CWC22: variants seen among roughly 807,000 people sequenced by gnomAD.
CWC22 encodes pre-mRNA-splicing factor CWC22 homolog.
CWC22 carries 53 observed loss-of-function variants against 117.2 expected under a neutral mutation model. The observed-to-expected ratio is 0.45, with a 90% CI of 0.36 to 0.57. CWC22 has a LOEUF of 0.57. CWC22 is among the 20% of genes least tolerant of loss of function. The pLI, the probability that CWC22 is intolerant of heterozygous loss-of-function variation, is 0.00. For missense variants in CWC22, 980 were observed against 1,068.8 expected, an observed-to-expected ratio of 0.92 and a Z score of 1.16; for synonymous variants, 360 against 355.6, an observed-to-expected ratio of 1.01 and a Z score of -0.14.
At chr2:179,955,122 A>G (rs1242527898) in intron 14 of CWC22, 88 bp from the exon 15 acceptor site, 1 of 933,020 alleles carries the variant, frequency 1.1e-6, no homozygotes, top group Non-Finnish European at 1.7e-6. Flanking sequence ...GACTGCCTGC[A>G]TTTTTAAATA....
At position 180,006,984 on chromosome 2, in the gene CWC22, G is replaced by T. The variant is rs2105572982; in HGVS notation, c.-231C>A. ...AGTGAGCCCGCACCCACTCCTGGGGGTCTTTTACTTCCCACCCGATCCGGC... is the reference window on the plus strand; with the variant it reads ...AGTGAGCCCGCACCCACTCCTGGGGTTCTTTTACTTCCCACCCGATCCGGC... On this transcript the variant is annotated 5_prime_UTR_variant, in exon 1 of 20. Coordinates refer to ENST00000410053, the MANE Select transcript of CWC22 (RefSeq NM_020943.3). The T allele has an allele frequency of 6.6e-6, 1 of 152,326 alleles. No homozygotes were observed. Among genetic ancestry groups the T allele is most frequent in the African/African-American group, 2.4e-5 (1 of 41,544 alleles). The allele number at this position is 152,326 out of a possible 1,614,324, so 9.4% of individuals were successfully genotyped here.
At chr2:179,996,313 G>A (rs1015750485) in intron 1 of CWC22, among the ~76,000 whole-genome samples, 4 of 152,046 alleles carry the variant, frequency 2.6e-5, no homozygotes, top group African/African-American at 9.7e-5. Context: ...CATATGGAAC[G>A]ATGCAAAGAA....
chr2:179,952,724 T>C, intron 16 of CWC22, 126 bp from the exon 17 acceptor site: 1 of 471,176 alleles, frequency 2.1e-6, no homozygotes, highest in South Asian at 4.9e-5. Context: ...ACCAGAGTTA[T>C]CTCTGAATAT....
chr2:179,945,388 C>G lies in CWC22; in HGVS notation c.2468G>C (p.Arg823Thr). The change falls in exon 20 of 20, where the codon AGA (arginine) becomes ACA (threonine). Residue 823 changes from arginine to threonine, a missense_variant. Arg to Thr is a moderately conservative substitution (Grantham distance 71). This residue lies in a region of CWC22 where 306 missense variants were observed against 296.8 expected (regional missense o/e 1.03). Transcript: ENST00000410053. ...ENKHGDPKKKRGERRNSFSEN... is the reference protein window; with the variant it reads ...ENKHGDPKKKTGERRNSFSEN... ...AGAAAAAGAATTTCTTCTCTCTCCTCTCTTCTTTTTGGGATCACCATGCTT... is the reference window on the plus strand; with the variant it reads ...AGAAAAAGAATTTCTTCTCTCTCCTGTCTTCTTTTTGGGATCACCATGCTT... 1.2e-6 allele frequency: 2 copies of G among 1,613,030 alleles called. No individual in the cohort carries two copies. Among genetic ancestry groups the G allele is most frequent in the East Asian group, 2.2e-5 (1 of 44,858 alleles).
At chr2:179,989,320 T>C (rs1325582292) in intron 2 of CWC22, among the ~76,000 whole-genome samples, 1 of 151,942 alleles carries the variant, frequency 6.6e-6, no homozygotes, top group African/African-American at 2.4e-5. Flanking sequence ...TGCAGTGGCA[T>C]GATCACGGCT....
chr2:179,945,767 T>C, intron 19 of CWC22, 52 bp from the exon 20 acceptor site: 1 of 1,128,938 alleles, frequency 8.9e-7, no homozygotes, highest in Non-Finnish European at 1.2e-6. Context: ...CTTAATTTCA[T>C]AATTATAACA....
chr2:179,984,260 A>C (rs185743290), intron 4 of CWC22, among the ~76,000 whole-genome samples: 5 of 152,200 alleles, frequency 3.3e-5, no homozygotes, highest in Admixed American at 3.3e-4. Flanking sequence ...ATAAACTCAA[A>C]GCCATTTCCT....
At position 179,970,575 on chromosome 2, in the gene CWC22, G is replaced by A; in HGVS notation, c.1148-12C>T. On this transcript the variant is annotated splice_polypyrimidine_tract_variant and intron_variant, in intron 10 of 19. Coordinates refer to ENST00000410053, the MANE Select transcript of CWC22 (RefSeq NM_020943.3). ...CATCTTGAAAACATCTAAAAAAAAT[G>A]TAAAAGTTAATGTTTATTTTCTATA... The A allele has an allele frequency of 1.1e-5, 17 of 1,550,846 alleles. No homozygotes were observed. Among genetic ancestry groups the A allele is most frequent in the Non-Finnish European group, 1.5e-5 (17 of 1,146,582 alleles).
At chr2:179,962,966 T>A (rs1686792231) in intron 13 of CWC22, among the ~76,000 whole-genome samples, 1 of 151,860 alleles carries the variant, frequency 6.6e-6, no homozygotes, top group Non-Finnish European at 1.5e-5. Context: ...TAATAATGTT[T>A]AAAAAAAATA....
chr2:180,001,079 G>A (rs539335319), intron 1 of CWC22, among the ~76,000 whole-genome samples: 2 of 152,078 alleles, frequency 1.3e-5, no homozygotes, highest in Non-Finnish European at 2.9e-5. Context: ...ATAGAAATTT[G>A]TCTATTTTTG....
intron 11 of CWC22, among the ~76,000 whole-genome samples, chr2:179,969,658 TATA>T (rs1350098691): frequency 1.3e-5 from 2 of 152,222 alleles, no homozygotes; most frequent in Non-Finnish European, 2.9e-5. Flanking sequence ...ACATTTCTAT[TATA>T]ATCAGAGAGC....
chr2:179,946,023 C>G (rs1686284524), intron 19 of CWC22, among the ~76,000 whole-genome samples: 1 of 152,172 alleles, frequency 6.6e-6, no homozygotes, highest in African/African-American at 2.4e-5. Flanking sequence ...GATGAGATTA[C>G]AGGCGTCTGC....
At chr2:179,973,077 A>G (rs1390442405) in intron 8 of CWC22, 116 bp downstream of exon 8, 3 of 471,298 alleles carry the variant, frequency 6.4e-6, no homozygotes, top group Non-Finnish European at 1.2e-5. Flanking sequence ...ATCATCCAAC[A>G]TTTTTATCCC....
intron 6 of CWC22, among the ~76,000 whole-genome samples, chr2:179,974,188 CAT>C (rs1687100779): frequency 6.6e-6 from 1 of 152,070 alleles, no homozygotes; most frequent in African/African-American, 2.4e-5. Flanking sequence ...AGGTAGATAA[CAT>C]AAAGTTTCTA....
intron 4 of CWC22, 115 bp downstream of exon 4, chr2:179,986,580 C>T: frequency 3.4e-6 from 2 of 585,020 alleles, no homozygotes; most frequent in Non-Finnish European, 5.9e-6. Context: ...AGCCTAGCAC[C>T]TAAAAACATC....
At chr2:179,985,827 T>TAC (rs1478117029) in intron 4 of CWC22, among the ~76,000 whole-genome samples, 3 of 151,890 alleles carry the variant, frequency 2.0e-5, no homozygotes, top group African/African-American at 7.3e-5. Context: ...ATAGTATATA[T>TAC]ATATATGGTT....
Position 179,945,499 on chromosome 2 carries a change from G to T in CWC22, c.2357C>A (p.Ser786Ter), listed in dbSNP as rs531888377. 1.2e-6 allele frequency: 2 copies of T among 1,612,844 alleles called. No individual in the cohort carries two copies. Among genetic ancestry groups the T allele is most frequent in the African/African-American group, 2.7e-5 (2 of 75,022 alleles). ...TCGTTCAGAAGGAACATCTTTGTCT[G>T]ATGTGTACTTTGTTATAGGATCTCT... ...NWRDPITKYTSDKDVPSERNN... is the reference protein window; with the variant it reads ...NWRDPITKYT The change falls in exon 20 of 20, where the codon TCA (serine) becomes TAA (stop). Residue 786 changes from serine (S) to a stop codon, truncating the protein, a stop_gained. Transcript: ENST00000410053. LOFTEE classifies it high-confidence loss of function.
intron 13 of CWC22, among the ~76,000 whole-genome samples, chr2:179,961,849 CATCTT>C (rs1686760569): frequency 6.6e-6 from 1 of 151,914 alleles, no homozygotes. Context: ...TTTTAGTTCT[CATCTT>C]AGGTTGCTAA....
intron 2 of CWC22, among the ~76,000 whole-genome samples, chr2:179,990,550 G>C (rs62181962): frequency 2.1e-4 from 1 of 4,684 alleles, no homozygotes. Context: ...GACAGACAGA[G>C]AGAGAGAGAG....
Sources: allele counts gnomAD v4.1 joint callset (sites outside exome capture counted in the v4.1 genomes callset), GRCh38; gene constraint gnomAD v4.1.1; regional missense constraint gnomAD v4.1.1; transcripts MANE v1.5; gene names NCBI Gene and HGNC (gene_info 2026-07-23, HGNC 2026-07-21).